The following TMEM132B variants were observed in gnomAD, a reference collection of about 807,000 sequenced individuals.
TMEM132B encodes transmembrane protein 132B.
In TMEM132B, 18 loss-of-function variants were observed where a neutral mutation model predicts 90.8. The ratio of observed to expected loss-of-function variants is 0.20; its 90% CI spans 0.14 to 0.29. The LOEUF (loss-of-function observed/expected upper bound fraction) is 0.29. Ranked by LOEUF, TMEM132B falls within the 10% of genes least tolerant of loss-of-function variation. The pLI, the probability that TMEM132B is intolerant of heterozygous loss-of-function variation, is 1.00. For synonymous variants in TMEM132B, 504 were observed against 523.3 expected (o/e 0.96, Z 0.50); for missense variants, 1,096 against 1,326.8 (o/e 0.83, Z 2.70).
intron 3 of TMEM132B, among the ~76,000 whole-genome samples, chr12:125,505,427 G>C (rs1882821332): frequency 6.6e-6 from 1 of 151,986 alleles, no homozygotes; most frequent in Non-Finnish European, 1.5e-5. Flanking sequence ...GGCCGGGTGC[G>C]GGGGCTCTTG....
chr12:125,284,942 G>A (rs988786189), intron 1 of TMEM132B, among the ~76,000 whole-genome samples: 3 of 152,186 alleles, frequency 2.0e-5, no homozygotes, highest in Admixed American at 6.5e-5. Flanking sequence ...CCTACAATGT[G>A]CCACATGTCT....
intron 2 of TMEM132B, among the ~76,000 whole-genome samples, chr12:125,357,974 G>A (rs1465364339): frequency 6.6e-6 from 1 of 152,310 alleles, no homozygotes; most frequent in Non-Finnish European, 1.5e-5. Context: ...TGTTGGGTGC[G>A]TTCTCCCGGT....
chr12:125,445,740 C>A lies in TMEM132B; in HGVS notation c.1106+30063C>A, dbSNP rs1034895152. 6.6e-6 allele frequency among the ~76,000 whole-genome samples: 1 copy of A among 152,160 alleles called. No individual in the cohort carries two copies. Among genetic ancestry groups the A allele is most frequent in the Non-Finnish European group, 1.5e-5 (1 of 68,004 alleles). ...CTGTGCACCCCAGGCCTTGTGCTGCCCTGACACCCTCTGCTTACCCCACCA... is the reference window on the plus strand; with the variant it reads ...CTGTGCACCCCAGGCCTTGTGCTGCACTGACACCCTCTGCTTACCCCACCA... On this transcript the variant is annotated intron_variant, in intron 3 of 8. Coordinates refer to ENST00000682704, the MANE Select transcript of TMEM132B (RefSeq NM_001366854.1). This position sits in a 1 kb window ranked among gnomAD's most constrained non-coding sequence, Gnocchi z 4.3.
chr12:125,223,238 A>G (rs1873601003), intron 1 of TMEM132B, among the ~76,000 whole-genome samples: 1 of 152,252 alleles, frequency 6.6e-6, no homozygotes, highest in South Asian at 2.1e-4. Context: ...TGATGCCTTG[A>G]GATATTTTAG....
intron 3 of TMEM132B, among the ~76,000 whole-genome samples, chr12:125,507,031 C>G (rs1270563152): frequency 2.0e-5 from 3 of 152,192 alleles, no homozygotes; most frequent in African/African-American, 7.2e-5. Flanking sequence ...CAGAAATTTC[C>G]TCATGCTCCT....
chr12:125,243,032 T>TATATATATATATATATATATATATATAC (rs1215676534), intron 1 of TMEM132B, among the ~76,000 whole-genome samples: 3 of 135,028 alleles, frequency 2.2e-5, no homozygotes, highest in Non-Finnish European at 4.8e-5. Context: ...TATATATATA[T>TATATATATATATATATATATATATATAC]ACACACACAC....
intron 3 of TMEM132B, among the ~76,000 whole-genome samples, chr12:125,517,381 A>G (rs1883193218): frequency 8.8e-6 from 1 of 113,348 alleles, no homozygotes; most frequent in Non-Finnish European, 1.7e-5. Flanking sequence ...TTTAGTAGAG[A>G]CGGGGTTTCA....
chr12:125,186,393 C>G lies in TMEM132B; in HGVS notation c.-407C>G, dbSNP rs1315058808. 2.0e-5 allele frequency among the ~76,000 whole-genome samples: 3 copies of G among 148,014 alleles called. No homozygotes were observed. The highest frequency in any genetic ancestry group is 7.3e-5 in the African/African-American group (3 of 41,014). On this transcript the variant is annotated 5_prime_UTR_variant, in exon 1 of 9. Coordinates refer to ENST00000682704, the MANE Select transcript of TMEM132B (RefSeq NM_001366854.1). This position sits in a 1 kb window ranked among gnomAD's most constrained non-coding sequence, Gnocchi z 6.3. ...GCGCTCGCTCGCTCGCTCACTCTCTCGCTGGCTCGAGGGGCGGCCGGCAGA... is the reference window on the plus strand; with the variant it reads ...GCGCTCGCTCGCTCGCTCACTCTCTGGCTGGCTCGAGGGGCGGCCGGCAGA...
At chr12:125,364,468 T>A (rs557710151) in intron 2 of TMEM132B, among the ~76,000 whole-genome samples, 1 of 152,300 alleles carries the variant, frequency 6.6e-6, no homozygotes, top group East Asian at 1.9e-4. Context: ...TTCTGATGTG[T>A]TTAAAAGTAG....
At position 125,552,944 on chromosome 12, in the gene TMEM132B, C is replaced by T. The variant is rs1884272569; in HGVS notation, c.1294-30907C>T. On this transcript the variant is annotated intron_variant, in intron 4 of 8. Coordinates refer to ENST00000682704, the MANE Select transcript of TMEM132B (RefSeq NM_001366854.1). ...TGTTCTCATTGAGTGGCCTCCCAGC[C>T]TAAGCATGTCTAAACACACTTAGGA... 2.0e-5 allele frequency among the ~76,000 whole-genome samples: 3 copies of T among 152,368 alleles called. No homozygotes were observed. In the South Asian group the frequency reaches 6.2e-4, roughly 32 times the overall value.
rs1883248346 is a variant in TMEM132B, at chr12:125,519,448, A to T, written c.1116A>T (p.Gly372=). 4 of 1,606,718 alleles carry T rather than the reference A, an allele frequency of 2.5e-6. No homozygotes were observed. The highest frequency in any genetic ancestry group is 3.4e-6 in the Non-Finnish European group (4 of 1,175,660). The part of the protein sequence containing the change: ...HRPDTQSRVN[G]SFYEILQVDF... ...TGTGTTTGTTTTCCAGGGTAAATGG[A>T]TCCTTCTATGAGATCTTGCAAGTGG... The change falls in exon 4 of 9, where the codon GGA becomes GGT. Residue 372 remains glycine (G), a synonymous_variant. Coordinates refer to ENST00000682704, the MANE Select transcript of TMEM132B (RefSeq NM_001366854.1).
intron 5 of TMEM132B, among the ~76,000 whole-genome samples, chr12:125,632,004 T>C (rs1311577281): frequency 2.6e-5 from 4 of 152,226 alleles, no homozygotes; most frequent in Non-Finnish European, 5.9e-5. Flanking sequence ...AAGTAAGGAC[T>C]TACTCCTTCC....
chr12:125,618,024 A>G (rs543894994), intron 5 of TMEM132B, among the ~76,000 whole-genome samples: 4 of 151,866 alleles, frequency 2.6e-5, no homozygotes, highest in Admixed American at 1.3e-4. Context: ...AGTGTGGTCC[A>G]TAAAGACTGA....
chr12:125,579,692 G>A (rs1246950892), intron 4 of TMEM132B, among the ~76,000 whole-genome samples: 2 of 151,938 alleles, frequency 1.3e-5, no homozygotes. Context: ...CTTTAGATGT[G>A]ATTTTATTTC....
At chr12:125,504,156 C>A (rs1418983691) in intron 3 of TMEM132B, among the ~76,000 whole-genome samples, 2 of 152,160 alleles carry the variant, frequency 1.3e-5, no homozygotes, top group Non-Finnish European at 2.9e-5. Flanking sequence ...CAAATCCCTT[C>A]CATTGACTTT....
At chr12:125,471,419 G>A (rs557954467) in intron 3 of TMEM132B, among the ~76,000 whole-genome samples, 114 of 152,340 alleles carry the variant, frequency 7.5e-4, no homozygotes, top group African/African-American at 2.7e-3. Context: ...GCCATAGCAT[G>A]TGACCATACC....
chr12:125,219,633 A>G (rs1020917964), intron 1 of TMEM132B, among the ~76,000 whole-genome samples: 2 of 152,256 alleles, frequency 1.3e-5, no homozygotes, highest in South Asian at 4.1e-4. Flanking sequence ...TGGGCTGCCC[A>G]TCTCCTTCCA....
At chr12:125,423,779 T>A (rs1455823271) in intron 3 of TMEM132B, among the ~76,000 whole-genome samples, 1 of 152,240 alleles carries the variant, frequency 6.6e-6, no homozygotes, top group Non-Finnish European at 1.5e-5. Flanking sequence ...TGTGATCACA[T>A]CTATATACAG....
At position 125,246,694 on chromosome 12, in the gene TMEM132B, T is replaced by TC. The variant is rs1331837765; in HGVS notation, c.67+59829dup. On this transcript the variant is annotated intron_variant, in intron 1 of 8. Transcript: ENST00000682704. This position sits in a 1 kb window ranked among gnomAD's most constrained non-coding sequence, Gnocchi z 4.2. ...AAATACTGATTTTTCCATTTCGGGC[T>TC]CTTTTGTGAAGTGCTTTGATTCTTA... Among the ~76,000 whole-genome samples the TC allele has an allele frequency of 6.6e-6, 1 of 152,218 alleles. No homozygotes were observed. The highest frequency in any genetic ancestry group is 1.5e-5 in the Non-Finnish European group (1 of 68,044).
Sources: allele counts gnomAD v4.1 joint callset (sites outside exome capture counted in the v4.1 genomes callset), GRCh38; gene constraint gnomAD v4.1.1; non-coding constraint Gnocchi (gnomAD v3.1); transcripts MANE v1.5; gene names NCBI Gene and HGNC (gene_info 2026-07-23, HGNC 2026-07-21).